The following DPH6 variants were observed in gnomAD, a reference collection of about 807,000 sequenced individuals.
DPH6 encodes diphthamine biosynthesis 6, also known as diphthine--ammonia ligase.
DPH6 carries 33 observed loss-of-function variants against 38.2 expected under a neutral mutation model. The observed-to-expected ratio is 0.86, with a 90% CI of 0.65 to 1.15. The LOEUF (loss-of-function observed/expected upper bound fraction) is 1.15. Among genes scored for constraint, DPH6 ranks in the 50% most tolerant of loss-of-function variants. DPH6 has a pLI of 0.00. For synonymous variants in DPH6, 108 were observed against 103.0 expected (o/e 1.05, Z -0.30); for missense variants, 325 against 320.0 (o/e 1.02, Z -0.12).
At chr15:35,451,521 C>T (rs2053932693) in intron 4 of DPH6, among the ~76,000 whole-genome samples, 1 of 152,078 alleles carries the variant, frequency 6.6e-6, no homozygotes, top group South Asian at 2.1e-4. Context: ...GAAATGAAAT[C>T]ATCCTTTCCT....
At chr15:35,435,905 C>T (rs144228889) in intron 5 of DPH6, among the ~76,000 whole-genome samples, 1 of 152,192 alleles carries the variant, frequency 6.6e-6, no homozygotes, top group Non-Finnish European at 1.5e-5. Flanking sequence ...GGAATGTCAG[C>T]CTTGGTCCAA....
intron 3 of DPH6, among the ~76,000 whole-genome samples, chr15:35,294,947 G>C (rs892704015): frequency 1.3e-5 from 2 of 152,164 alleles, no homozygotes; most frequent in African/African-American, 2.4e-5. Context: ...GAGTTCACGG[G>C]GCTCAGTGAC....
At chr15:35,173,054 A>G in the DPH6 span, among the ~76,000 whole-genome samples, 1 of 152,214 alleles carries the variant, frequency 6.6e-6, no homozygotes, top group Admixed American at 6.5e-5. Context: ...AAGTGCTATG[A>G]TAGGTATTTA....
the DPH6 span, among the ~76,000 whole-genome samples, chr15:35,186,337 C>G: frequency 6.6e-6 from 1 of 152,128 alleles, no homozygotes; most frequent in East Asian, 1.9e-4. Flanking sequence ...CTGATGATAT[C>G]TTTAAATTTC....
chr15:35,460,950 T>C (rs1384402223), intron 3 of DPH6, among the ~76,000 whole-genome samples: 1 of 145,328 alleles, frequency 6.9e-6, no homozygotes, highest in Non-Finnish European at 1.5e-5. Context: ...TTTCCACACC[T>C]ATCTGTAGGC....
At chr15:35,256,074 T>G (rs768596014) in intron 3 of DPH6, among the ~76,000 whole-genome samples, 1 of 152,138 alleles carries the variant, frequency 6.6e-6, no homozygotes, top group Non-Finnish European at 1.5e-5. Context: ...TTTGCAAGGA[T>G]AGTACAAAGT....
At chr15:35,319,184 G>A (rs1038799950) in intron 3 of DPH6, among the ~76,000 whole-genome samples, 23 of 152,068 alleles carry the variant, frequency 1.5e-4, no homozygotes, top group Non-Finnish European at 3.2e-4. Flanking sequence ...AAGTACTTCT[G>A]GCAACATGGT....
At chr15:35,298,973 T>G in intron 3 of DPH6, 1 of 761,600 alleles carries the variant, frequency 1.3e-6, no homozygotes, top group Non-Finnish European at 2.4e-6. Flanking sequence ...GCTCCTAATC[T>G]TCATCTTCAT....
intron 3 of DPH6, among the ~76,000 whole-genome samples, chr15:35,356,077 G>T (rs538520138): frequency 1.2e-4 from 18 of 152,084 alleles, no homozygotes; most frequent in African/African-American, 4.3e-4. Context: ...TGATCGAATC[G>T]GTATTGAAGC....
chr15:35,230,180 A>C (rs1330684078), intron 3 of DPH6, among the ~76,000 whole-genome samples: 1 of 152,180 alleles, frequency 6.6e-6, no homozygotes, highest in African/African-American at 2.4e-5. Context: ...CAAAAACCTT[A>C]GAAGCCCACC....
At chr15:35,273,332 C>G (rs191156888) in intron 3 of DPH6, among the ~76,000 whole-genome samples, 283 of 152,176 alleles carry the variant, frequency 1.9e-3, no homozygotes, top group African/African-American at 6.6e-3. Flanking sequence ...CACCCTTTCC[C>G]CAAAAGTCCA....
At chr15:35,178,017 T>C in the DPH6 span, among the ~76,000 whole-genome samples, 1 of 152,160 alleles carries the variant, frequency 6.6e-6, no homozygotes, top group African/African-American at 2.4e-5. Flanking sequence ...TTTCAATACA[T>C]ATATATGTTG....
chr15:35,390,623 G>C (rs1437965582), intron 6 of DPH6, among the ~76,000 whole-genome samples: 1 of 151,992 alleles, frequency 6.6e-6, no homozygotes, highest in Non-Finnish European at 1.5e-5. Flanking sequence ...TTTTCTTCCA[G>C]TTGATCACAT....
intron 3 of DPH6, among the ~76,000 whole-genome samples, chr15:35,253,186 C>T (rs2051685652): frequency 6.6e-6 from 1 of 152,162 alleles, no homozygotes; most frequent in South Asian, 2.1e-4. Flanking sequence ...AATATCTAAA[C>T]TACATTGGTG....
chr15:35,433,359 C>T (rs1369702613), intron 5 of DPH6, among the ~76,000 whole-genome samples: 2 of 152,230 alleles, frequency 1.3e-5, no homozygotes, highest in East Asian at 3.9e-4. Flanking sequence ...ATGAAGATAG[C>T]TTTTCAAAGC....
chr15:35,402,821 GA>G (rs906473108), intron 6 of DPH6, among the ~76,000 whole-genome samples: 2 of 151,854 alleles, frequency 1.3e-5, no homozygotes, highest in Non-Finnish European at 2.9e-5. Context: ...AGATTTATTA[GA>G]AAAGATGACA....
At chr15:35,496,567 A>AAAAAAATATATATAT in intron 3 of DPH6, among the ~76,000 whole-genome samples, 1 of 31,016 alleles carries the variant, frequency 3.2e-5, no homozygotes, top group African/African-American at 1.4e-4. Flanking sequence ...AAAAAAAAAA[A>AAAAAAATATATATAT]ATATATATAT....
the DPH6 span, among the ~76,000 whole-genome samples, chr15:35,193,859 C>T: frequency 9.6e-4 from 146 of 152,058 alleles, no homozygotes; most frequent in Non-Finnish European, 1.5e-3. Context: ...GAAGACAGAA[C>T]ACAATAAAGC....
chr15:35,212,297 A>C, the DPH6 span, among the ~76,000 whole-genome samples: 1 of 152,248 alleles, frequency 6.6e-6, no homozygotes, highest in East Asian at 1.9e-4. Context: ...TTAGAATGAA[A>C]ACTCTTTTCA....
Sources: allele counts gnomAD v4.1 joint callset (sites outside exome capture counted in the v4.1 genomes callset), GRCh38; gene constraint gnomAD v4.1.1; transcripts MANE v1.5; gene names NCBI Gene and HGNC (gene_info 2026-07-23, HGNC 2026-07-21).